CNTN3: variants seen among roughly 807,000 people sequenced by gnomAD.
CNTN3 encodes contactin-3.
A neutral mutation model predicts 119.1 loss-of-function variants in CNTN3; 60 were observed. The ratio of observed to expected loss-of-function variants is 0.50; its 90% CI spans 0.41 to 0.62. The LOEUF (loss-of-function observed/expected upper bound fraction) is 0.62. Among genes scored for constraint, CNTN3 ranks in the 20% least tolerant of loss-of-function variants. The pLI is 0.00. For missense variants in CNTN3, 1,101 were observed against 1,242.4 expected (o/e 0.89, Z 1.71); for synonymous variants, 450 against 438.7 (o/e 1.03, Z -0.32).
intron 19 of CNTN3, among the ~76,000 whole-genome samples, chr3:74,288,168 T>TTTTTTTTTTG: frequency 6.8e-6 from 1 of 147,848 alleles, no homozygotes; most frequent in Non-Finnish European, 1.5e-5. Flanking sequence ...TCTTTTTTTT[T>TTTTTTTTTTG]TTTTTTTTGA....
At position 74,268,244 on chromosome 3, in the gene CNTN3, A is replaced by G. The variant is rs936873581; in HGVS notation, c.2705-866T>C. ...GAGGGATGGCCGATAGTATTTGTCAATAGCAACACAGATAGGGCACTGGAA... is the reference window on the plus strand; with the variant it reads ...GAGGGATGGCCGATAGTATTTGTCAGTAGCAACACAGATAGGGCACTGGAA... On this transcript the variant is annotated intron_variant, in intron 20 of 22. Transcript: ENST00000263665. Among the ~76,000 whole-genome samples the G allele has an allele frequency of 1.8e-4, 28 of 152,260 alleles. 1 individual carries two copies. In the South Asian group the frequency reaches 1.9e-3, roughly 10 times the overall value.
At chr3:74,481,337 A>G (rs1299752173) in intron 4 of CNTN3, among the ~76,000 whole-genome samples, 1 of 151,910 alleles carries the variant, frequency 6.6e-6, no homozygotes, top group Non-Finnish European at 1.5e-5. Context: ...TTATTAAAAA[A>G]ACTAATCATA....
At chr3:74,282,161 T>C (rs1410552864) in intron 20 of CNTN3, among the ~76,000 whole-genome samples, 3 of 152,192 alleles carry the variant, frequency 2.0e-5, no homozygotes, top group African/African-American at 7.2e-5. Context: ...GGCTAATTAG[T>C]GTTTAACTTA....
At chr3:74,448,657 G>A (rs919669628) in intron 4 of CNTN3, among the ~76,000 whole-genome samples, 2 of 152,028 alleles carry the variant, frequency 1.3e-5, no homozygotes, top group Admixed American at 6.6e-5. Context: ...GGGTTGTGAA[G>A]ATAACAAAAT....
intron 2 of CNTN3, among the ~76,000 whole-genome samples, chr3:74,510,087 T>C (rs1703339199): frequency 6.6e-6 from 1 of 151,606 alleles, no homozygotes; most frequent in Non-Finnish European, 1.5e-5. Flanking sequence ...AGCAATTGTC[T>C]GGGAATCTCC....
chr3:74,426,671 C>T (rs149049905), intron 4 of CNTN3, among the ~76,000 whole-genome samples: 326 of 152,250 alleles, frequency 2.1e-3, no homozygotes, highest in African/African-American at 7.4e-3. Flanking sequence ...TTTAACCACA[C>T]GCTATCCAAC....
At chr3:74,515,099 C>A (rs1703429408) in intron 2 of CNTN3, among the ~76,000 whole-genome samples, 1 of 151,940 alleles carries the variant, frequency 6.6e-6, no homozygotes, top group Non-Finnish European at 1.5e-5. Flanking sequence ...TGGAAAAGTC[C>A]TCTAGTTAAT....
chr3:74,305,328 C>T (rs1297152865), intron 13 of CNTN3, among the ~76,000 whole-genome samples: 1 of 151,974 alleles, frequency 6.6e-6, no homozygotes, highest in Non-Finnish European at 1.5e-5. Flanking sequence ...GGTACAATTA[C>T]TCTGGACAAT....
At chr3:74,334,374 C>T (rs1703338673) in intron 13 of CNTN3, among the ~76,000 whole-genome samples, 1 of 152,150 alleles carries the variant, frequency 6.6e-6, no homozygotes, top group Non-Finnish European at 1.5e-5. Context: ...CTGGAGGAGA[C>T]ACTTAGTAAG....
intron 11 of CNTN3, among the ~76,000 whole-genome samples, chr3:74,355,448 T>TGTTTG (rs1703913000): frequency 6.6e-6 from 1 of 150,578 alleles, no homozygotes; most frequent in Non-Finnish European, 1.5e-5. Flanking sequence ...GGTACCAGTG[T>TGTTTG]TTTTGTTTTG....
intron 13 of CNTN3, among the ~76,000 whole-genome samples, chr3:74,315,307 A>G (rs983475515): frequency 1.3e-5 from 2 of 152,182 alleles, no homozygotes; most frequent in African/African-American, 4.8e-5. Context: ...ATAGTTATCC[A>G]GCAGATCTCG....
chr3:74,430,118 T>A (rs765612586), intron 4 of CNTN3, among the ~76,000 whole-genome samples: 1 of 152,212 alleles, frequency 6.6e-6, no homozygotes. Context: ...AACTACCATA[T>A]GACCAGCAAT....
At chr3:74,570,814 G>A (rs755807800) in intron 1 of CNTN3, among the ~76,000 whole-genome samples, 1 of 152,112 alleles carries the variant, frequency 6.6e-6, no homozygotes, top group Non-Finnish European at 1.5e-5. Context: ...AGATGGATGT[G>A]GGCTTCTATT....
chr3:74,381,986 A>G (rs1448848188), intron 5 of CNTN3, among the ~76,000 whole-genome samples: 1 of 152,092 alleles, frequency 6.6e-6, no homozygotes, highest in Non-Finnish European at 1.5e-5. Context: ...AGGCGGGTGG[A>G]TCACCTGTGG....
In CNTN3 at chr3:74,270,195, T is replaced by A. The variant is rs573273311; in HGVS notation, c.2705-2817A>T. Among the ~76,000 whole-genome samples, 16 of 152,276 alleles carry A rather than the reference T, an allele frequency of 1.1e-4. No homozygotes were observed. The South Asian group carries it at 3.1e-3, about 30-fold the overall frequency. On this transcript the variant is annotated intron_variant, in intron 20 of 22. Coordinates refer to ENST00000263665, the MANE Select transcript of CNTN3 (RefSeq NM_020872.3). ...GGACTTGTGGTTCCCTGCCTGTAAA[T>A]AGGCATAATTCTCCTTCTCATTGGC... is the stretch of plus-strand genomic sequence containing the variant.
intron 1 of CNTN3, among the ~76,000 whole-genome samples, chr3:74,527,085 T>G (rs1703631439): frequency 6.6e-6 from 1 of 151,912 alleles, no homozygotes; most frequent in Non-Finnish European, 1.5e-5. Flanking sequence ...TATACCTATA[T>G]AGATATGTGT....
intron 13 of CNTN3, among the ~76,000 whole-genome samples, chr3:74,317,155 C>T: frequency 7.4e-6 from 1 of 134,346 alleles, no homozygotes; most frequent in South Asian, 3.0e-4. Context: ...ACTAGGATTG[C>T]AACCCCTGCC....
intron 13 of CNTN3, among the ~76,000 whole-genome samples, chr3:74,332,801 T>G (rs1057254033): frequency 6.6e-6 from 1 of 152,254 alleles, no homozygotes; most frequent in South Asian, 2.1e-4. Flanking sequence ...AGGTGACTAA[T>G]GTTTCAAATG....
At chr3:74,341,762 C>T (rs917891101) in intron 11 of CNTN3, among the ~76,000 whole-genome samples, 1 of 152,044 alleles carries the variant, frequency 6.6e-6, no homozygotes, top group Non-Finnish European at 1.5e-5. Flanking sequence ...TTGACCTGTA[C>T]TTTATGATGA....
Sources: gnomAD v4.1 joint callset for allele counts (sites outside exome capture counted in the v4.1 genomes callset) on GRCh38, gnomAD v4.1.1 for gene constraint, MANE v1.5 for transcripts, NCBI Gene and HGNC (gene_info 2026-07-23, HGNC 2026-07-21) for gene names.